DNAH9: variants seen among roughly 807,000 people sequenced by gnomAD.
The protein encoded by DNAH9 is dynein axonemal heavy chain 9, also known as DNAH9 variant protein.
Under a neutral mutation model 471.6 loss-of-function variants are expected in DNAH9, and 345 were observed. The ratio of observed to expected loss-of-function variants is 0.73; its 90% CI spans 0.67 to 0.80. The LOEUF is 0.80. Ranked by LOEUF, DNAH9 falls within the 30% of genes least tolerant of loss-of-function variation. The pLI is 0.00. For synonymous variants in DNAH9, 2,093 were observed against 2,123.6 expected (o/e 0.99, Z 0.40); for missense variants, 5,407 against 5,609.2 (o/e 0.96, Z 1.15).
In DNAH9 at chr17:11,883,710, T is replaced by C; in HGVS notation, c.10931T>C (p.Leu3644Pro). 3 of 1,614,110 alleles carry C rather than the reference T, an allele frequency of 1.9e-6. No individual in the cohort carries two copies. The highest frequency in any genetic ancestry group is 2.5e-6 in the Non-Finnish European group (3 of 1,179,998). ...FLGETVLVEN[L>P]EITKQTAAEV... ...GGAGAAACAGTGCTGGTGGAAAACC[T>C]AGAGATCACCAAGCAGACTGCTGCC... The change falls in exon 56 of 69, where the codon CTA (leucine) becomes CCA (proline). Residue 3644 changes from leucine to proline, a missense_variant. Coordinates refer to ENST00000262442, the MANE Select transcript of DNAH9 (RefSeq NM_001372.4).
In DNAH9 at chr17:11,647,057, C is replaced by T; in HGVS notation, c.1971-15C>T. The T allele has an allele frequency of 6.2e-7, 1 of 1,613,150 alleles. No individual in the cohort carries two copies. The stretch of plus-strand genomic sequence containing the variant: ...AGGGGGCTTATGAGGTGGCTGTTGT[C>T]TCTGACCCTTGCAGGTATGAGACAA... On this transcript the variant is annotated splice_polypyrimidine_tract_variant and intron_variant, in intron 11 of 68. Transcript: ENST00000262442.
At chr17:11,797,526 G>C in intron 42 of DNAH9, 71 bp from the exon 43 acceptor site, 1 of 1,254,938 alleles carries the variant, frequency 8.0e-7, no homozygotes, top group Non-Finnish European at 1.1e-6. Flanking sequence ...AGCAAATCAG[G>C]TGTCTCTGCT....
In DNAH9 at chr17:11,962,166, G is replaced by A. The variant is rs138480985; in HGVS notation, c.13143G>A (p.Thr4381=). The A allele has an allele frequency of 3.1e-5, 50 of 1,612,664 alleles. No individual in the cohort carries two copies. Among genetic ancestry groups the A allele is most frequent in the East Asian group, 4.5e-5 (2 of 44,874 alleles). ...AGATGGCCCTGCAATGTGACATGAC[G>A]AAGAAGAACAGAGAAGAGTTTAGGA... ...LDQMALQCDM[T]KKNREEFRSP... Residue 4381 remains threonine (T), a synonymous_variant, in exon 68 of 69, where the codon ACG becomes ACA. Coordinates refer to ENST00000262442, the MANE Select transcript of DNAH9 (RefSeq NM_001372.4). The surrounding 1 kb of genome is among the most constrained non-coding windows in gnomAD (Gnocchi z 4.1).
chr17:11,728,493 G>A (rs968703968), intron 28 of DNAH9, among the ~76,000 whole-genome samples: 1 of 141,758 alleles, frequency 7.1e-6, no homozygotes, highest in Non-Finnish European at 1.5e-5. Context: ...GACAGGTGAA[G>A]TTTCCCAGTT....
chr17:11,727,975 G>T (rs1354756247), intron 28 of DNAH9, 53 bp downstream of exon 28: 3 of 1,140,164 alleles, frequency 2.6e-6, no homozygotes, highest in Non-Finnish European at 4.0e-6. Context: ...GATTACTGCG[G>T]AAGTCTATGT....
At chr17:11,929,019 A>C (rs1428989088) in intron 62 of DNAH9, among the ~76,000 whole-genome samples, 1 of 142,156 alleles carries the variant, frequency 7.0e-6, no homozygotes, top group East Asian at 2.1e-4. Flanking sequence ...ACCAAGTGTT[A>C]CAGCCTTTTT....
At position 11,807,914 on chromosome 17, in the gene DNAH9, C is replaced by T; in HGVS notation, c.8583+20C>T. The T allele has an allele frequency of 6.3e-7, 1 of 1,587,182 alleles. No individual in the cohort carries two copies. The highest frequency in any genetic ancestry group is 1.3e-5 in the African/African-American group (1 of 74,612). ...TTCAAGGTAAAAGGTCAGGCAGCTG[C>T]AGGGAGGAGGCTCAGCTTCCCTCCA... On this transcript the variant is annotated intron_variant, in intron 44 of 68. Coordinates refer to ENST00000262442, the MANE Select transcript of DNAH9 (RefSeq NM_001372.4).
chr17:11,802,844 G>T (rs1388157804), intron 43 of DNAH9, among the ~76,000 whole-genome samples: 1 of 152,096 alleles, frequency 6.6e-6, no homozygotes, highest in Non-Finnish European at 1.5e-5. Context: ...CCCTTCCCCA[G>T]CTTTGCTGCT....
At chr17:11,871,179 A>C (rs966461905) in intron 51 of DNAH9, among the ~76,000 whole-genome samples, 1 of 152,168 alleles carries the variant, frequency 6.6e-6, no homozygotes, top group Non-Finnish European at 1.5e-5. Flanking sequence ...TTTATGGTGC[A>C]TGGACTTGAT....
chr17:11,829,588 C>T (rs953243728), intron 48 of DNAH9, among the ~76,000 whole-genome samples: 1 of 152,166 alleles, frequency 6.6e-6, no homozygotes, highest in African/African-American at 2.4e-5. Context: ...TCTCATGCCT[C>T]AGCCTCTGAA....
chr17:11,749,072 TTGTTTTTTTTTTTG>T (rs777296295), intron 32 of DNAH9, among the ~76,000 whole-genome samples: 47,586 of 86,022 alleles, frequency 0.55, 12,814 homozygotes, highest in East Asian at 0.66. Context: ...GGGTTTTTTT[TTGTTTTTTTTTTTG>T]TTTTTTTTTT....
chr17:11,665,187 G>A (rs2073846471), intron 15 of DNAH9, among the ~76,000 whole-genome samples: 1 of 152,198 alleles, frequency 6.6e-6, no homozygotes, highest in African/African-American at 2.4e-5. Context: ...AAACCAGGCT[G>A]TAAGACAGTG....
At chr17:11,902,476 C>G (rs1453137412) in intron 59 of DNAH9, among the ~76,000 whole-genome samples, 1 of 152,192 alleles carries the variant, frequency 6.6e-6, no homozygotes, top group African/African-American at 2.4e-5. Flanking sequence ...TCAGTCTCTG[C>G]TGCTAATAAT....
chr17:11,631,140 G>C (rs1050446931), intron 7 of DNAH9, among the ~76,000 whole-genome samples: 1 of 151,984 alleles, frequency 6.6e-6, no homozygotes, highest in Non-Finnish European at 1.5e-5. Context: ...CAGGAACAAA[G>C]AGCCCGCATC....
chr17:11,831,918 C>G (rs572790299), intron 48 of DNAH9, among the ~76,000 whole-genome samples: 1 of 152,236 alleles, frequency 6.6e-6, no homozygotes, highest in East Asian at 1.9e-4. Context: ...GTATTGTCAC[C>G]CCACTCAGTC....
intron 67 of DNAH9, chr17:11,954,010 G>A (rs988948199): frequency 6.6e-6 from 1 of 152,084 alleles, no homozygotes; most frequent in African/African-American, 2.4e-5. Context: ...AGGCACTGCA[G>A]GAGAAAAGAT....
intron 53 of DNAH9, among the ~76,000 whole-genome samples, chr17:11,878,839 G>C (rs1381320010): frequency 6.6e-6 from 1 of 152,182 alleles, no homozygotes; most frequent in Non-Finnish European, 1.5e-5. Context: ...AAAGTTCTGG[G>C]TTACAGGCAT....
At chr17:11,812,940 A>C (rs762966566) in intron 45 of DNAH9, among the ~76,000 whole-genome samples, 1 of 152,210 alleles carries the variant, frequency 6.6e-6, no homozygotes, top group Non-Finnish European at 1.5e-5. Context: ...AATCAGTCTG[A>C]GAGAATACAG....
intron 48 of DNAH9, among the ~76,000 whole-genome samples, chr17:11,829,312 G>A (rs113493590): frequency 1.5e-4 from 23 of 152,212 alleles, no homozygotes; most frequent in Admixed American, 9.2e-4. Flanking sequence ...GTAATCTGGC[G>A]GGAGGAGGCT....
Sources: allele counts gnomAD v4.1 joint callset (sites outside exome capture counted in the v4.1 genomes callset), GRCh38; gene constraint gnomAD v4.1.1; non-coding constraint Gnocchi (gnomAD v3.1); transcripts MANE v1.5; gene names NCBI Gene and HGNC (gene_info 2026-07-23, HGNC 2026-07-21).